The following PCDHGA1 variants were observed in gnomAD, a reference collection of about 807,000 sequenced individuals.
PCDHGA1 encodes protocadherin gamma-A1.
Under a neutral mutation model 58.0 loss-of-function variants are expected in PCDHGA1, and 32 were observed. The observed-to-expected ratio is 0.55, with a 90% confidence interval of 0.42 to 0.74. The LOEUF is 0.74. Ranked by LOEUF, PCDHGA1 falls within the 30% of genes least tolerant of loss-of-function variation. The probability of loss-of-function intolerance (pLI) is 0.00; values close to 1 mark genes in which losing one functional copy is unlikely to be tolerated. For synonymous variants in PCDHGA1, 498 were observed against 501.1 expected, an observed-to-expected ratio of 0.99 and a Z score of 0.08; for missense variants, 1,205 against 1,182.3, an observed-to-expected ratio of 1.02 and a Z score of -0.28.
intron 1 of PCDHGA1, chr5:141,409,421 G>C (rs1381290106): frequency 6.2e-7 from 1 of 1,614,044 alleles, no homozygotes; most frequent in South Asian, 1.1e-5. Context: ...ACTGGTGACA[G>C]ATGGAGCCCT....
chr5:141,507,816 TG>T (rs1478957063), intron 3 of PCDHGA1, among the ~76,000 whole-genome samples: 1 of 152,130 alleles, frequency 6.6e-6, no homozygotes, highest in African/African-American at 2.4e-5. Flanking sequence ...GAACGGACCC[TG>T]GGGGTGGAGG....
chr5:141,352,485 G>A (rs2149769551), intron 1 of PCDHGA1: 4 of 1,613,958 alleles, frequency 2.5e-6, no homozygotes, highest in Non-Finnish European at 3.4e-6. Context: ...CACAGCGAGG[G>A]GACTTTGCCC....
intron 1 of PCDHGA1, chr5:141,357,789 C>A: frequency 1.2e-6 from 1 of 838,664 alleles, no homozygotes; most frequent in Non-Finnish European, 1.8e-6. Context: ...ACAGTATTTA[C>A]CACACAAAAA....
At chr5:141,422,498 C>T (rs1482415670) in intron 1 of PCDHGA1, 1 of 1,613,964 alleles carries the variant, frequency 6.2e-7, no homozygotes, top group Admixed American at 1.7e-5. Flanking sequence ...ATAACGTTGA[C>T]AGCCACAGAC....
intron 1 of PCDHGA1, chr5:141,345,445 T>C (rs1757575354): frequency 6.2e-7 from 1 of 1,613,840 alleles, no homozygotes; most frequent in African/African-American, 1.3e-5. Flanking sequence ...GGAGCCTCCA[T>C]CTTCTCAGTG....
At chr5:141,364,873 T>A (rs1002059027) in intron 1 of PCDHGA1, 1 of 1,613,852 alleles carries the variant, frequency 6.2e-7, no homozygotes, top group Non-Finnish European at 8.5e-7. Flanking sequence ...TCTCTCTGGA[T>A]GTGGTAAGCG....
chr5:141,358,345 G>A (rs568438184), intron 1 of PCDHGA1, among the ~76,000 whole-genome samples: 110 of 152,320 alleles, frequency 7.2e-4, no homozygotes, highest in African/African-American at 2.5e-3. Flanking sequence ...GATCTGGACT[G>A]AGGGTTTTTT....
rs1452697214 is a variant in PCDHGA1 at position 141,476,552 on chromosome 5, G to T, written c.2422-18255G>T. ...CCAGGAAATGAAATTGGAGATTAGC[G>T]AGGCCGTGGCTCCGGGGACGCGCTT... On this transcript the variant is annotated intron_variant, in intron 1 of 3. Transcript: ENST00000517417. The surrounding 1 kb of genome is among the most constrained non-coding windows in gnomAD (Gnocchi z 7.6). 6.2e-7 allele frequency: 1 copy of T among 1,614,210 alleles called. No individual in the cohort carries two copies. The highest frequency in any genetic ancestry group is 2.2e-5 in the East Asian group (1 of 44,872).
intron 1 of PCDHGA1, among the ~76,000 whole-genome samples, chr5:141,453,288 A>AT (rs2098760999): frequency 2.0e-5 from 3 of 151,342 alleles, no homozygotes; most frequent in African/African-American, 7.3e-5. Flanking sequence ...TAATTTTTTA[A>AT]TTATTTATTT....
In PCDHGA1 at chr5:141,491,807, G is replaced by A; in HGVS notation, c.2422-3000G>A. On this transcript the variant is annotated intron_variant, in intron 1 of 3. Transcript: ENST00000517417. The surrounding 1 kb of genome is among the most constrained non-coding windows in gnomAD (Gnocchi z 6.9). ...CATCCACTCCTCTCCGGCCGGCTTG[G>A]TCGCTGGCTGCGCTCCACCCGATTC... is the stretch of plus-strand genomic sequence containing the variant. 1 of 1,491,112 alleles carries A rather than the reference G, an allele frequency of 6.7e-7. No homozygotes were observed. The highest frequency in any genetic ancestry group is 1.4e-5 in the South Asian group (1 of 73,752). The allele number at this position is 1,491,112 out of a possible 1,614,324, so 92.4% of individuals were successfully genotyped here. A position where few individuals can be genotyped will look rare whatever the true frequency, so the allele number is the denominator to read the frequency against.
At chr5:141,350,862 A>C in intron 1 of PCDHGA1, 1 of 1,614,100 alleles carries the variant, frequency 6.2e-7, no homozygotes, top group South Asian at 1.1e-5. Flanking sequence ...GACAGGGAAC[A>C]TCAGAGCTCT....
At chr5:141,502,008 C>T (rs753492460) in intron 2 of PCDHGA1, among the ~76,000 whole-genome samples, 6 of 152,086 alleles carry the variant, frequency 3.9e-5, no homozygotes, top group Non-Finnish European at 8.8e-5. Context: ...AACCCGCATG[C>T]TCTCCTCCCT....
At chr5:141,400,547 C>A (rs534226736) in intron 1 of PCDHGA1, 12 of 1,613,676 alleles carry the variant, frequency 7.4e-6, no homozygotes, top group African/African-American at 2.7e-5. Flanking sequence ...TATGTCTATT[C>A]TTTTTCATTA....
chr5:141,430,944 G>C (rs1417018095), intron 1 of PCDHGA1: 1 of 1,609,214 alleles, frequency 6.2e-7, no homozygotes, highest in Non-Finnish European at 8.5e-7. Flanking sequence ...CTCGCGGAGC[G>C]CGGAGTCCGC....
intron 1 of PCDHGA1, chr5:141,351,352 C>T (rs762259259): frequency 2.5e-6 from 4 of 1,613,182 alleles, no homozygotes; most frequent in Non-Finnish European, 3.4e-6. Context: ...TAATAGCCCT[C>T]ATAAAAGTGC....
At chr5:141,337,691 T>C (rs973232066) in intron 1 of PCDHGA1, among the ~76,000 whole-genome samples, 1 of 152,178 alleles carries the variant, frequency 6.6e-6, no homozygotes, top group Non-Finnish European at 1.5e-5. Context: ...GTTCTGGAAG[T>C]GGATGGTGGT....
rs758879836 is a variant in PCDHGA1 at position 141,400,006 on chromosome 5, G to A, written c.2421+66901G>A. 3 of 1,612,536 alleles carry A rather than the reference G, an allele frequency of 1.9e-6. No homozygotes were observed. The South Asian group carries it at 3.3e-5, about 18-fold the overall frequency. On this transcript the variant is annotated intron_variant, in intron 1 of 3. Coordinates refer to ENST00000517417, the MANE Select transcript of PCDHGA1 (RefSeq NM_018912.3). ...CACAGGAGAGGTGCGCACAGCGCGT[G>A]CCTTGGGCGACAGGGACGCGGCCCG...
rs780923234 is a variant in PCDHGA1 at position 141,339,362 on chromosome 5, C to G, written c.2421+6257C>G. 5 of 1,614,146 alleles carry G rather than the reference C, an allele frequency of 3.1e-6. No homozygotes were observed. The Admixed American group carries it at 8.3e-5, about 27-fold the overall frequency. On this transcript the variant is annotated intron_variant, in intron 1 of 3. Transcript: ENST00000517417. Reference sequence around the variant, plus strand: ...AATAACAGATATTAACGATAATGCCCCTCGCTTTGGAGTAGAGGAACTGGA... The same window carrying G: ...AATAACAGATATTAACGATAATGCCGCTCGCTTTGGAGTAGAGGAACTGGA...
At chr5:141,461,817 C>A (rs2099023873) in intron 1 of PCDHGA1, among the ~76,000 whole-genome samples, 1 of 150,844 alleles carries the variant, frequency 6.6e-6, no homozygotes, top group South Asian at 2.1e-4. Flanking sequence ...CCACACCCAG[C>A]TAATTTTTTT....
Sources: gnomAD v4.1 joint callset for allele counts (sites outside exome capture counted in the v4.1 genomes callset) on GRCh38, gnomAD v4.1.1 for gene constraint, Gnocchi (gnomAD v3.1) non-coding constraint, MANE v1.5 for transcripts, NCBI Gene and HGNC (gene_info 2026-07-23, HGNC 2026-07-21) for gene names.